TMPRSS5: variants seen among roughly 807,000 people sequenced by gnomAD.
The protein encoded by TMPRSS5 is transmembrane serine protease 5.
In TMPRSS5, 45 loss-of-function variants were observed where a neutral mutation model predicts 59.7. The observed-to-expected ratio is 0.75, with a 90% CI of 0.59 to 0.97. The LOEUF is 0.97. Ranked by LOEUF, TMPRSS5 falls within the 50% of genes least tolerant of loss-of-function variation. TMPRSS5 has a pLI of 0.00. For synonymous variants in TMPRSS5, 225 were observed against 232.0 expected (o/e 0.97, Z 0.27); for missense variants, 585 against 596.7 (o/e 0.98, Z 0.20).
Position 113,693,085 on chromosome 11 carries a change from G to A in TMPRSS5, c.950C>T (p.Ala317Val), listed in dbSNP as rs780456027. ...CAGTGCCGCACCTGAGAAGTTGAGA[G>A]CGGTCTGGAGCCTCAGGAGGGCGAC... is the stretch of plus-strand genomic sequence containing the variant. ...YDVALLRLQT[A>V]LNFSDTVGAV... Residue 317 changes from alanine (A) to valine (V), a missense_variant, in exon 9 of 13, where the codon GCT becomes GTT. By Grantham distance (64) the Ala-to-Val change is moderately conservative. Coordinates refer to ENST00000299882, the MANE Select transcript of TMPRSS5 (RefSeq NM_030770.4). 33 of 1,571,486 alleles carry A rather than the reference G, an allele frequency of 2.1e-5. No homozygotes were observed. The highest frequency in any genetic ancestry group is 1.7e-4 in the Middle Eastern group (1 of 6,032).
chr11:113,690,942 G>A lies in TMPRSS5; in HGVS notation c.965-3C>T. 2 of 1,579,650 alleles carry A rather than the reference G, an allele frequency of 1.3e-6. No individual in the cohort carries two copies. The highest frequency in any genetic ancestry group is 1.2e-5 in the South Asian group (1 of 85,934). ...CAGGCACACAGCGCCCACAGTGTCT[G>A]TAGAGAGGCACATGGTCCTGGTCCC... On this transcript the variant is annotated splice_region_variant and splice_polypyrimidine_tract_variant and intron_variant, in intron 9 of 12. Transcript: ENST00000299882.
At position 113,694,518 on chromosome 11, in the gene TMPRSS5, C is replaced by G; in HGVS notation, c.745G>C (p.Ala249Pro). 1.3e-6 allele frequency: 2 copies of G among 1,566,198 alleles called. No homozygotes were observed. Among genetic ancestry groups the G allele is most frequent in the South Asian group, 1.2e-5 (1 of 84,954 alleles). The change falls in exon 8 of 13, where the codon GCG becomes CCG. Residue 249 changes from alanine to proline, a missense_variant. Physicochemically the swap from Ala to Pro is conservative, Grantham distance 27. Coordinates refer to ENST00000299882, the MANE Select transcript of TMPRSS5 (RefSeq NM_030770.4). Reference sequence around the variant, plus strand: ...GCAGCAGTCACCACCCAGCGTGGCGCTAGCACAGAGCCCCCACACGTGTGC... The same window carrying G: ...GCAGCAGTCACCACCCAGCGTGGCGGTAGCACAGAGCCCCCACACGTGTGC... Reference protein sequence around the residue: ...FRHTCGGSVLAPRWVVTAAHC... With the variant: ...FRHTCGGSVLPPRWVVTAAHC...
intron 12 of TMPRSS5, 85 bp downstream of exon 12, chr11:113,689,680 G>A (rs1017031680): frequency 6.8e-7 from 1 of 1,478,056 alleles, no homozygotes; most frequent in African/African-American, 1.4e-5. Flanking sequence ...CCCCAGCAGG[G>A]CCCGGGCCTA....
At chr11:113,693,465 A>C in intron 8 of TMPRSS5, 1 of 474,536 alleles carries the variant, frequency 2.1e-6, no homozygotes, top group East Asian at 3.5e-5. Context: ...ATGCTGCAGG[A>C]CTGATGGATA....
At chr11:113,698,566 C>T (rs1035243763) in intron 4 of TMPRSS5, among the ~76,000 whole-genome samples, 1 of 152,186 alleles carries the variant, frequency 6.6e-6, no homozygotes. Flanking sequence ...CCTAGGTGGC[C>T]CTGCTGGTCA....
At chr11:113,700,645 A>G (rs1321925149) in intron 1 of TMPRSS5, among the ~76,000 whole-genome samples, 4 of 152,202 alleles carry the variant, frequency 2.6e-5, no homozygotes, top group African/African-American at 9.7e-5. Flanking sequence ...TATAGGGGAC[A>G]CTATAGGGAG....
intron 9 of TMPRSS5, among the ~76,000 whole-genome samples, chr11:113,692,783 A>T (rs1952818737): frequency 6.6e-6 from 1 of 152,154 alleles, no homozygotes. Context: ...GGGGTGGAGC[A>T]GCCTATTGGT....
chr11:113,705,599 G>C (rs1287297949), intron 1 of TMPRSS5, among the ~76,000 whole-genome samples: 1 of 152,238 alleles, frequency 6.6e-6, no homozygotes, highest in Admixed American at 6.5e-5. Flanking sequence ...GACACAGGCA[G>C]TGAGGCTGCA....
chr11:113,690,620 G>A (rs1952749145), intron 10 of TMPRSS5, among the ~76,000 whole-genome samples: 1 of 152,056 alleles, frequency 6.6e-6, no homozygotes, highest in Non-Finnish European at 1.5e-5. Context: ...CAAGGGGAGG[G>A]GGAGTAAAAG....
intron 7 of TMPRSS5, among the ~76,000 whole-genome samples, chr11:113,694,935 A>T (rs917419479): frequency 2.0e-5 from 3 of 152,128 alleles, no homozygotes; most frequent in Non-Finnish European, 4.4e-5. Context: ...TGGTGTGTGG[A>T]AGGATGTGTG....
intron 11 of TMPRSS5, 89 bp from the exon 12 acceptor site, chr11:113,690,006 C>T (rs1214338036): frequency 5.1e-6 from 7 of 1,367,648 alleles, no homozygotes; most frequent in Non-Finnish European, 6.9e-6. Context: ...AGTGGAATCT[C>T]CTTACTGGGC....
chr11:113,699,248 T>TCTC (rs1953033591), intron 3 of TMPRSS5, among the ~76,000 whole-genome samples: 1 of 84,860 alleles, frequency 1.2e-5, no homozygotes, highest in African/African-American at 6.8e-5. Context: ...TCTCTCTCTC[T>TCTC]CTCTCTCTCT....
intron 1 of TMPRSS5, among the ~76,000 whole-genome samples, chr11:113,701,918 G>GCATTCGGT (rs1432923172): frequency 1.3e-5 from 2 of 152,066 alleles, no homozygotes; most frequent in Admixed American, 1.3e-4. Flanking sequence ...AGCCCTGTAT[G>GCATTCGGT]CATTCGGTAT....
chr11:113,701,108 A>C (rs1037212769), intron 1 of TMPRSS5, among the ~76,000 whole-genome samples: 26 of 152,244 alleles, frequency 1.7e-4, no homozygotes, highest in African/African-American at 5.8e-4. Context: ...TTGCTTTATA[A>C]ATTACTCAGT....
Position 113,693,147 on chromosome 11 carries a change from T to C in TMPRSS5, c.888A>G (p.Pro296=). ...GATTCTGGGCACTGTAGAGGGGGTG[T>C]GGGATAATCCTCTCCACCAGAGCCC... ...HQGALVERII[P]HPLYSAQNHD... Residue 296 remains proline (P), a synonymous_variant, in exon 9 of 13, where the codon CCA becomes CCG. Transcript: ENST00000299882. 6.3e-7 allele frequency: 1 copy of C among 1,599,970 alleles called. No individual in the cohort carries two copies. Among genetic ancestry groups the C allele is most frequent in the Non-Finnish European group, 8.5e-7 (1 of 1,173,632 alleles).
intron 12 of TMPRSS5, 88 bp downstream of exon 12, chr11:113,689,677 A>C: frequency 6.9e-7 from 1 of 1,442,586 alleles, no homozygotes; most frequent in Non-Finnish European, 9.4e-7. Flanking sequence ...AGTCCCCAGC[A>C]GGGCCCGGGC....
chr11:113,703,045 A>C (rs190365298), intron 1 of TMPRSS5, among the ~76,000 whole-genome samples: 1 of 152,316 alleles, frequency 6.6e-6, no homozygotes, highest in Admixed American at 6.5e-5. Flanking sequence ...GAGCTGTGAA[A>C]AGAAGGCCAC....
At chr11:113,695,379 C>T in intron 7 of TMPRSS5, 21 bp downstream of exon 7, 1 of 1,613,876 alleles carries the variant, frequency 6.2e-7, no homozygotes, top group Non-Finnish European at 8.5e-7. Flanking sequence ...GCCACCTCCC[C>T]TAGACCAAGA....
Position 113,698,974 on chromosome 11 carries a change from C to T in TMPRSS5, c.259G>A (p.Glu87Lys), listed in dbSNP as rs1225367801. Residue 87 changes from glutamate (E) to lysine (K), a missense_variant, in exon 4 of 13, where the codon GAG (glutamate) becomes AAG (lysine). Glu to Lys is a moderately conservative substitution (Grantham distance 56, BLOSUM62 1). Transcript: ENST00000299882. ...SQPISGTLQD[E>K]EITLSCSEAS... is the part of the protein sequence containing the mutation. ...TCTGAGCAGCTCAAAGTTATCTCCT[C>T]ATCCTGCAAGGTCCCGGAAATGGGC... is the stretch of plus-strand genomic sequence containing the variant. The T allele has an allele frequency of 6.2e-7, 1 of 1,607,410 alleles. No individual in the cohort carries two copies.
Sources: allele counts gnomAD v4.1 joint callset (sites outside exome capture counted in the v4.1 genomes callset), GRCh38; gene constraint gnomAD v4.1.1; transcripts MANE v1.5; gene names NCBI Gene and HGNC (gene_info 2026-07-23, HGNC 2026-07-21).